The following PEAK1 variants were observed in gnomAD, a reference collection of about 807,000 sequenced individuals.
PEAK1 encodes pseudopodium enriched atypical kinase 1.
Under a neutral mutation model 124.7 loss-of-function variants are expected in PEAK1, and 54 were observed. The ratio of observed to expected loss-of-function variants is 0.43; its 90% CI spans 0.35 to 0.54. The LOEUF is 0.54. PEAK1 is among the 20% of genes least tolerant of loss of function. The pLI, the probability that PEAK1 is intolerant of heterozygous loss-of-function variation, is 0.01. For missense variants in PEAK1, 2,046 were observed against 2,134.5 expected, an observed-to-expected ratio of 0.96 and a Z score of 0.82; for synonymous variants, 719 against 760.0, an observed-to-expected ratio of 0.95 and a Z score of 0.89.
chr15:77,331,080 A>G (rs2065864865), intron 2 of PEAK1: 5 of 707,118 alleles, frequency 7.1e-6, no homozygotes, highest in Non-Finnish European at 8.7e-6. Context: ...ATAGACATAT[A>G]CTATGTAGTA....
chr15:77,122,746 GATCA>G (rs1225454407), intron 9 of PEAK1, among the ~76,000 whole-genome samples: 2 of 152,152 alleles, frequency 1.3e-5, no homozygotes, highest in East Asian at 3.8e-4. Context: ...GTTGGCTGCT[GATCA>G]ATCACTTTCT....
intron 5 of PEAK1, chr15:77,278,832 G>GTTTTTTTT (rs34583265): frequency 1.3e-5 from 3 of 226,008 alleles, no homozygotes; most frequent in African/African-American, 3.0e-5. Flanking sequence ...AATTTTGTGG[G>GTTTTTTTT]TTTTTTTTTT....
chr15:77,205,762 G>A (rs1437213437), intron 6 of PEAK1, among the ~76,000 whole-genome samples: 1 of 152,192 alleles, frequency 6.6e-6, no homozygotes, highest in East Asian at 1.9e-4. Flanking sequence ...TGATAGCCAT[G>A]TAAGGAAACT....
intron 5 of PEAK1, among the ~76,000 whole-genome samples, chr15:77,258,533 G>A (rs2061283928): frequency 6.6e-6 from 1 of 152,120 alleles, no homozygotes; most frequent in Non-Finnish European, 1.5e-5. Flanking sequence ...CTGTTTGTCT[G>A]TTATTGGTGT....
intron 2 of PEAK1, among the ~76,000 whole-genome samples, chr15:77,313,909 G>T (rs1000934491): frequency 1.3e-5 from 2 of 151,440 alleles, no homozygotes; most frequent in South Asian, 2.1e-4. Context: ...AGTAGTATAT[G>T]GAAAGAGGGG....
At chr15:77,313,166 A>G (rs546837773) in intron 2 of PEAK1, among the ~76,000 whole-genome samples, 94 of 152,302 alleles carry the variant, frequency 6.2e-4, no homozygotes, top group African/African-American at 2.2e-3. Flanking sequence ...AATTTTTTAA[A>G]TGCTTAAATA....
At chr15:77,301,592 G>A (rs1005381884) in intron 2 of PEAK1, among the ~76,000 whole-genome samples, 1 of 152,092 alleles carries the variant, frequency 6.6e-6, no homozygotes, top group Non-Finnish European at 1.5e-5. Context: ...GTGTTTTGGG[G>A]AGAAAAACCA....
At chr15:77,238,963 A>G (rs2060242342) in intron 6 of PEAK1, among the ~76,000 whole-genome samples, 1 of 152,158 alleles carries the variant, frequency 6.6e-6, no homozygotes, top group African/African-American at 2.4e-5. Flanking sequence ...TCTGCATTCT[A>G]ATGCCATTTA....
intron 1 of PEAK1, among the ~76,000 whole-genome samples, chr15:77,389,480 T>C (rs574022520): frequency 5.9e-5 from 9 of 152,280 alleles, no homozygotes; most frequent in African/African-American, 1.7e-4. Context: ...GGAGGGATGT[T>C]TTGCAAGTCA....
intron 2 of PEAK1, chr15:77,337,392 A>G (rs1483887736): frequency 1.1e-6 from 1 of 948,282 alleles, no homozygotes; most frequent in Non-Finnish European, 1.3e-6. Flanking sequence ...ATTGAAGATT[A>G]TAATAATGTA....
At chr15:77,414,520 C>G (rs1231396548) in intron 1 of PEAK1, among the ~76,000 whole-genome samples, 1 of 151,818 alleles carries the variant, frequency 6.6e-6, no homozygotes, top group Non-Finnish European at 1.5e-5. Flanking sequence ...GGCCCAATTA[C>G]TGTATTTTCT....
chr15:77,182,749 C>CAAAAAAAAAAAAAAAAAAAAAAAAAA (rs71143395), intron 6 of PEAK1, among the ~76,000 whole-genome samples: 2 of 65,140 alleles, frequency 3.1e-5, no homozygotes, highest in African/African-American at 1.2e-4. Context: ...GACCTTGTCT[C>CAAAAAAAAAAAAAAAAAAAAAAAAAA]AAAAAAAAAA....
At chr15:77,282,578 A>C (rs2062728427) in intron 5 of PEAK1, among the ~76,000 whole-genome samples, 1 of 152,188 alleles carries the variant, frequency 6.6e-6, no homozygotes, top group South Asian at 2.1e-4. Flanking sequence ...TTGACTCTAG[A>C]TCAGGAATTC....
At chr15:77,310,458 G>A (rs2064369400) in intron 2 of PEAK1, among the ~76,000 whole-genome samples, 2 of 152,118 alleles carry the variant, frequency 1.3e-5, no homozygotes, top group South Asian at 4.1e-4. Context: ...GAGAACAAAT[G>A]GCTTGGGCTG....
chr15:77,142,806 A>G (rs1194570051), intron 8 of PEAK1, among the ~76,000 whole-genome samples: 1 of 152,176 alleles, frequency 6.6e-6, no homozygotes, highest in Non-Finnish European at 1.5e-5. Context: ...CAGAAAGTAG[A>G]TTAGCTGTTG....
At chr15:77,139,135 C>G (rs1179975654) in intron 8 of PEAK1, among the ~76,000 whole-genome samples, 1 of 152,008 alleles carries the variant, frequency 6.6e-6, no homozygotes, top group Non-Finnish European at 1.5e-5. Flanking sequence ...AAGACAGGGA[C>G]AATGATGACA....
At chr15:77,393,034 A>T (rs2070607191) in intron 1 of PEAK1, among the ~76,000 whole-genome samples, 1 of 152,184 alleles carries the variant, frequency 6.6e-6, no homozygotes, top group Non-Finnish European at 1.5e-5. Flanking sequence ...GGAAAGCAAG[A>T]CCAGGCAGAA....
intron 5 of PEAK1, among the ~76,000 whole-genome samples, chr15:77,269,529 T>C (rs2061920104): frequency 6.6e-6 from 1 of 152,120 alleles, no homozygotes. Context: ...CAATTACTAC[T>C]AGACCTAAGA....
At chr15:77,226,044 G>GATATATATAATATAATATATATAT (rs57675196) in intron 6 of PEAK1, among the ~76,000 whole-genome samples, 1 of 44,998 alleles carries the variant, frequency 2.2e-5, no homozygotes, top group Non-Finnish European at 4.8e-5. Context: ...AAAATAAAGG[G>GATATATATAATATAATATATATAT]ATATATATAT....
Sources: gnomAD v4.1 joint callset for allele counts (sites outside exome capture counted in the v4.1 genomes callset) on GRCh38, gnomAD v4.1.1 for gene constraint, MANE v1.5 for transcripts, NCBI Gene and HGNC (gene_info 2026-07-23, HGNC 2026-07-21) for gene names.